The following FKBP8 variants were observed in gnomAD, a reference collection of about 807,000 sequenced individuals.
The protein encoded by FKBP8 is peptidyl-prolyl cis-trans isomerase FKBP8.
FKBP8 carries 5 observed loss-of-function variants against 41.7 expected under a neutral mutation model. The observed-to-expected ratio is 0.12, with a 90% CI of 0.06 to 0.25. The LOEUF (loss-of-function observed/expected upper bound fraction) is 0.25. Among genes scored for constraint, FKBP8 ranks in the 10% least tolerant of loss-of-function variants. The probability of loss-of-function intolerance (pLI) is 1.00; values close to 1 mark genes in which losing one functional copy is unlikely to be tolerated. For synonymous variants in FKBP8, 279 were observed against 254.5 expected (o/e 1.10, Z -0.92); for missense variants, 397 against 563.0 (o/e 0.71, Z 2.98).
chr19:18,538,424 G>A lies in FKBP8; in HGVS notation c.564C>T (p.Tyr188=). The A allele has an allele frequency of 6.2e-7, 1 of 1,612,000 alleles. No individual in the cohort carries two copies. Among genetic ancestry groups the A allele is most frequent in the Non-Finnish European group, 8.5e-7 (1 of 1,179,828 alleles). ...GGCACAGGGCCGCGTGCGGGGGGAT[G>A]TATGGGCTCCTGCTAGTTGGGTGGG... ...CYGPQGSRSP[Y]IPPHAALCLE... The change falls in exon 5 of 9, where the codon TAC becomes TAT. Residue 188 remains tyrosine (Y), a synonymous_variant. Coordinates refer to ENST00000608443, the MANE Select transcript of FKBP8 (RefSeq NM_012181.5). The surrounding 1 kb of genome is among the most constrained non-coding windows in gnomAD (Gnocchi z 4.0).
intron 8 of FKBP8, 21 bp downstream of exon 8, chr19:18,532,643 C>A: frequency 6.2e-7 from 1 of 1,612,482 alleles, no homozygotes; most frequent in Non-Finnish European, 8.5e-7. Context: ...CAGCCCCTGC[C>A]CATTCTGTGC....
At chr19:18,533,960 G>A (rs1254262909) in intron 6 of FKBP8, among the ~76,000 whole-genome samples, 2 of 141,614 alleles carry the variant, frequency 1.4e-5, no homozygotes, top group Non-Finnish European at 3.0e-5. Flanking sequence ...AGTGAGCCGA[G>A]ATCGTGCCAC....
chr19:18,534,493 T>G (rs1164325600), intron 6 of FKBP8, among the ~76,000 whole-genome samples: 3 of 152,122 alleles, frequency 2.0e-5, no homozygotes, highest in African/African-American at 7.2e-5. Flanking sequence ...CTGTCTCAGC[T>G]GCAGATCTAG....
At chr19:18,536,737 G>A (rs1268561977) in intron 6 of FKBP8, among the ~76,000 whole-genome samples, 2 of 152,226 alleles carry the variant, frequency 1.3e-5, no homozygotes, top group Non-Finnish European at 2.9e-5. Context: ...CAGTGAGCAA[G>A]ACAGACCAAA....
Position 18,541,790 on chromosome 19 carries a change from G to A in FKBP8, c.181C>T (p.Pro61Ser). 6.2e-7 allele frequency: 1 copy of A among 1,613,934 alleles called. No homozygotes were observed. The highest frequency in any genetic ancestry group is 8.5e-7 in the Non-Finnish European group (1 of 1,179,912). ...GGCTGCTCAGCCTCCTCCGCCGGGGGTTGTCCCATGTCCTCCAGCGGTGGC... is the reference window on the plus strand; with the variant it reads ...GGCTGCTCAGCCTCCTCCGCCGGGGATTGTCCCATGTCCTCCAGCGGTGGC... ...ELPPLEDMGQ[P>S]PAEEAEQPGA... Residue 61 changes from proline (P) to serine (S), a missense_variant, in exon 2 of 9, where the codon CCC becomes TCC. Around this residue, in one of 2 missense-constraint regions of FKBP8, gnomAD observed 172 missense variants for 196.2 expected, o/e 0.88. Coordinates refer to ENST00000608443, the MANE Select transcript of FKBP8 (RefSeq NM_012181.5).
At chr19:18,532,367 A>C in intron 8 of FKBP8, 112 bp from the exon 9 acceptor site, 1 of 1,121,034 alleles carries the variant, frequency 8.9e-7, no homozygotes, top group South Asian at 1.3e-5. Flanking sequence ...TTGCCTGACT[A>C]TGTATTTCCC....
At position 18,538,390 on chromosome 19, in the gene FKBP8, T is replaced by A; in HGVS notation, c.598A>T (p.Thr200Ser). The change falls in exon 5 of 9, where the codon ACC (threonine) becomes TCC (serine). Residue 200 changes from threonine to serine, a missense_variant. By Grantham distance (58) the Thr-to-Ser change is moderately conservative (BLOSUM62 1). Around this residue, in one of 2 missense-constraint regions of FKBP8, gnomAD observed 225 missense variants for 366.8 expected, o/e 0.61. Transcript: ENST00000608443. The surrounding 1 kb of genome is among the most constrained non-coding windows in gnomAD (Gnocchi z 4.0). ...GGCCCGTCCACAGCCGTCTTCAGGGTCACCTCCAGGCACAGGGCCGCGTGC... is the reference window on the plus strand; with the variant it reads ...GGCCCGTCCACAGCCGTCTTCAGGGACACCTCCAGGCACAGGGCCGCGTGC... ...PPHAALCLEV[T>S]LKTAVDGPDL... 1 of 1,613,496 alleles carries A rather than the reference T, an allele frequency of 6.2e-7. No homozygotes were observed. The highest frequency in any genetic ancestry group is 8.5e-7 in the Non-Finnish European group (1 of 1,179,980).
chr19:18,537,589 G>C lies in FKBP8; in HGVS notation c.945+12C>G, dbSNP rs747129490. 2 of 1,573,804 alleles carry C rather than the reference G, an allele frequency of 1.3e-6. No individual in the cohort carries two copies. Among genetic ancestry groups the C allele is most frequent in the South Asian group, 1.1e-5 (1 of 86,982 alleles). The stretch of plus-strand genomic sequence containing the variant: ...GCTGAGTGACCCGGCCTGGCACCCC[G>C]GTGTGGCCTACCTTGCCCTTGCGGA... On this transcript the variant is annotated intron_variant, in intron 6 of 8. Coordinates refer to ENST00000608443, the MANE Select transcript of FKBP8 (RefSeq NM_012181.5). This position sits in a 1 kb window ranked among gnomAD's most constrained non-coding sequence, Gnocchi z 4.4.
At position 18,532,182 on chromosome 19, in the gene FKBP8, G is replaced by A. The variant is rs1181306975; in HGVS notation, c.1229C>T (p.Ala410Val). Residue 410 changes from alanine (A) to valine (V), a missense_variant, in exon 9 of 9, where the codon GCT becomes GTT. Around this residue, in one of 2 missense-constraint regions of FKBP8, gnomAD observed 225 missense variants for 366.8 expected, o/e 0.61. Coordinates refer to ENST00000608443, the MANE Select transcript of FKBP8 (RefSeq NM_012181.5). The stretch of plus-strand genomic sequence containing the variant: ...CCACCTAGGTGGTCAGTTCCTGGCA[G>A]CGATGACCACAGAGAGTGCCACACC... Reference protein sequence around the residue: ...LGGVALSVVIAARN With the variant: ...LGGVALSVVIVARN The A allele has an allele frequency of 8.7e-6, 14 of 1,605,832 alleles. No homozygotes were observed. Among genetic ancestry groups the A allele is most frequent in the Non-Finnish European group, 1.2e-5 (14 of 1,176,836 alleles).
In FKBP8 at chr19:18,538,486, A is replaced by G. The variant is rs367619214; in HGVS notation, c.552-50T>C. The G allele has an allele frequency of 6.6e-6, 10 of 1,512,482 alleles. No homozygotes were observed. In the African/African-American group the frequency reaches 9.6e-5, roughly 14 times the overall value. The allele number at this position is 1,512,482 out of a possible 1,614,324, so 93.7% of individuals were successfully genotyped here. On this transcript the variant is annotated intron_variant, in intron 4 of 8. Coordinates refer to ENST00000608443, the MANE Select transcript of FKBP8 (RefSeq NM_012181.5). The surrounding 1 kb of genome is among the most constrained non-coding windows in gnomAD (Gnocchi z 4.0). ...GCAGCACTCAGACCTGGTGACCCCTAAACCCGCTGGGCTGGCTAGGAAGGA... is the reference window on the plus strand; with the variant it reads ...GCAGCACTCAGACCTGGTGACCCCTGAACCCGCTGGGCTGGCTAGGAAGGA...
At chr19:18,536,484 T>G (rs1976580239) in intron 6 of FKBP8, among the ~76,000 whole-genome samples, 2 of 152,260 alleles carry the variant, frequency 1.3e-5, no homozygotes, top group African/African-American at 4.8e-5. Flanking sequence ...CCTGAGCAAC[T>G]GGGACGACAG....
intron 7 of FKBP8, 174 bp downstream of exon 7, chr19:18,533,096 C>T: frequency 1.5e-6 from 1 of 687,772 alleles, no homozygotes; most frequent in Non-Finnish European, 2.4e-6. Flanking sequence ...GCCCAGACTG[C>T]CTGTGTGGCC....
intron 7 of FKBP8, 59 bp downstream of exon 7, chr19:18,533,207 GGGGC>G: frequency 1.8e-5 from 26 of 1,428,846 alleles, no homozygotes; most frequent in Non-Finnish European, 2.4e-5. Flanking sequence ...AGAAAGACCT[GGGGC>G]AGACCGCAGG....
intron 1 of FKBP8, 72 bp downstream of exon 1, chr19:18,543,414 A>G (rs1323584494): frequency 7.5e-6 from 1 of 133,422 alleles, no homozygotes; most frequent in Non-Finnish European, 1.6e-5. Flanking sequence ...CCGGCGCGCT[A>G]GCCCCCGGAC....
intron 2 of FKBP8, 60 bp from the exon 3 acceptor site, chr19:18,539,780 C>T: frequency 1.3e-6 from 2 of 1,575,176 alleles, no homozygotes; most frequent in Non-Finnish European, 1.7e-6. Flanking sequence ...CACCCGCTCC[C>T]CTGAGCCCCC....
In FKBP8 at chr19:18,538,339, C is replaced by G. The variant is rs777617707; in HGVS notation, c.649G>C (p.Glu217Gln). The G allele has an allele frequency of 2.5e-6, 4 of 1,613,628 alleles. No individual in the cohort carries two copies. The highest frequency in any genetic ancestry group is 3.4e-6 in the Non-Finnish European group (4 of 1,179,954). The change falls in exon 5 of 9, where the codon GAG becomes CAG. Residue 217 changes from glutamate (E) to glutamine (Q), a missense_variant. This residue lies in a region of FKBP8 where 225 missense variants were observed against 366.8 expected (regional missense o/e 0.61). Coordinates refer to ENST00000608443, the MANE Select transcript of FKBP8 (RefSeq NM_012181.5). The surrounding 1 kb of genome is among the most constrained non-coding windows in gnomAD (Gnocchi z 4.0). Reference protein sequence around the residue: ...GPDLEMLTGQERVALANRKRE... With the variant: ...GPDLEMLTGQQRVALANRKRE... ...TTCCGGTTGGCCAGGGCCACGCGCT[C>G]CTGCCCCGTGAGCATCTCCAGGTCA...
chr19:18,541,759 G>A lies in FKBP8; in HGVS notation c.212C>T (p.Ala71Val). ...PPAEEAEQPG[A>V]LAREFLAAME... Reference sequence around the variant, plus strand: ...GGCAGCAAGGAACTCTCGGGCCAGGGCCCCAGGCTGCTCAGCCTCCTCCGC... The same window carrying A: ...GGCAGCAAGGAACTCTCGGGCCAGGACCCCAGGCTGCTCAGCCTCCTCCGC... The change falls in exon 2 of 9, where the codon GCC becomes GTC. Residue 71 changes from alanine (A) to valine (V), a missense_variant. By Grantham distance (64) the Ala-to-Val change is moderately conservative. Around this residue, in one of 2 missense-constraint regions of FKBP8, gnomAD observed 172 missense variants for 196.2 expected, o/e 0.88. Transcript: ENST00000608443. The A allele has an allele frequency of 1.9e-6, 3 of 1,613,974 alleles. No individual in the cohort carries two copies. Among genetic ancestry groups the A allele is most frequent in the Admixed American group, 1.7e-5 (1 of 60,002 alleles).
rs1976595193 is a variant in FKBP8 at position 18,537,024 on chromosome 19, G to C, written c.945+577C>G. 6.6e-6 allele frequency among the ~76,000 whole-genome samples: 1 copy of C among 152,150 alleles called. No homozygotes were observed. The highest frequency in any genetic ancestry group is 2.4e-5 in the African/African-American group (1 of 41,420). On this transcript the variant is annotated intron_variant, in intron 6 of 8. Coordinates refer to ENST00000608443, the MANE Select transcript of FKBP8 (RefSeq NM_012181.5). The surrounding 1 kb of genome is among the most constrained non-coding windows in gnomAD (Gnocchi z 4.4). ...TCTGAGGAAAACTGGGACCCATGGA[G>C]GTTCTATGGGAGGAGGTTTCAACAC...
chr19:18,533,438 T>C (rs1976494684), intron 6 of FKBP8, 91 bp from the exon 7 acceptor site: 1 of 865,286 alleles, frequency 1.2e-6, no homozygotes, highest in South Asian at 1.9e-5. Flanking sequence ...TGAGCCAAGA[T>C]GGTGTCACTG....
Sources: allele counts gnomAD v4.1 joint callset (sites outside exome capture counted in the v4.1 genomes callset), GRCh38; gene constraint gnomAD v4.1.1; regional missense constraint gnomAD v4.1.1; non-coding constraint Gnocchi (gnomAD v3.1); transcripts MANE v1.5; gene names NCBI Gene and HGNC (gene_info 2026-07-23, HGNC 2026-07-21).